The following PTPRE variants were observed in gnomAD, a reference collection of about 807,000 sequenced individuals.
PTPRE encodes protein tyrosine phosphatase receptor type E.
Under a neutral mutation model 102.0 loss-of-function variants are expected in PTPRE, and 51 were observed. The observed-to-expected ratio is 0.50, with a 90% CI of 0.40 to 0.63. The LOEUF is 0.63. Ranked by LOEUF, PTPRE falls within the 30% of genes least tolerant of loss-of-function variation. The probability of loss-of-function intolerance (pLI) is 0.00; values close to 1 mark genes in which losing one functional copy is unlikely to be tolerated. For missense variants in PTPRE, 752 were observed against 915.1 expected (o/e 0.82, Z 2.30); for synonymous variants, 345 against 348.2 (o/e 0.99, Z 0.10).
intron 1 of PTPRE, among the ~76,000 whole-genome samples, chr10:127,956,149 T>C (rs1304211468): frequency 2.6e-5 from 4 of 152,164 alleles, no homozygotes; most frequent in Non-Finnish European, 5.9e-5. Context: ...ATTTCAGGAG[T>C]TGCATATATA....
chr10:128,047,816 A>AACGGAATCTTGGAGGAGCAAGGT lies in PTPRE; in HGVS notation c.265_283+4dup, dbSNP rs751203821. On this transcript the variant is annotated frameshift_variant, in exon 5 of 21. Transcript: ENST00000254667. LOFTEE classifies it high-confidence loss of function. Reference sequence around the variant, plus strand: ...CAGCACCAGCGACAAGAAGATGCCCAACGGAATCTTGGAGGAGCAAGGTAC... The same window carrying AACGGAATCTTGGAGGAGCAAGGT: ...CAGCACCAGCGACAAGAAGATGCCCAACGGAATCTTGGAGGAGCAAGGTACGGAATCTTGGAGGAGCAAGGTAC... 5.0e-6 allele frequency: 8 copies of AACGGAATCTTGGAGGAGCAAGGT among 1,603,450 alleles called. No homozygotes were observed. The South Asian group carries it at 8.8e-5, about 18-fold the overall frequency.
chr10:128,080,029 C>T (rs1301064636), intron 20 of PTPRE, among the ~76,000 whole-genome samples: 2 of 152,204 alleles, frequency 1.3e-5, no homozygotes, highest in African/African-American at 2.4e-5. Flanking sequence ...GAAAAACATA[C>T]TCTTATCAAG....
chr10:128,037,839 T>C (rs566151403), intron 2 of PTPRE, among the ~76,000 whole-genome samples: 8 of 152,292 alleles, frequency 5.3e-5, no homozygotes, highest in Admixed American at 2.6e-4. Context: ...TTGCCCAGGC[T>C]GGAGTGCAGT....
intron 12 of PTPRE, 87 bp downstream of exon 12, chr10:128,068,373 T>A: frequency 6.8e-7 from 1 of 1,461,708 alleles, no homozygotes; most frequent in East Asian, 2.3e-5. Flanking sequence ...AGGGGACCAA[T>A]ATCAGGGTGG....
At chr10:128,076,265 G>A (rs1213693984) in intron 17 of PTPRE, among the ~76,000 whole-genome samples, 3 of 152,342 alleles carry the variant, frequency 2.0e-5, no homozygotes, top group Non-Finnish European at 2.9e-5. Flanking sequence ...TCTAGGAAGA[G>A]CTGGGGGCAC....
chr10:127,940,158 C>T (rs1053602682), intron 1 of PTPRE, among the ~76,000 whole-genome samples: 5 of 152,086 alleles, frequency 3.3e-5, no homozygotes, highest in Non-Finnish European at 7.4e-5. Context: ...AGGATGCCAG[C>T]TGCCTGAGGT....
chr10:127,943,937 G>A (rs1848429350), intron 1 of PTPRE, among the ~76,000 whole-genome samples: 1 of 152,164 alleles, frequency 6.6e-6, no homozygotes, highest in Admixed American at 6.5e-5. Context: ...GACTCTGGGT[G>A]GAAGGAGGAG....
chr10:128,013,954 C>CA (rs1329546527), intron 2 of PTPRE, among the ~76,000 whole-genome samples: 1 of 152,180 alleles, frequency 6.6e-6, no homozygotes, highest in African/African-American at 2.4e-5. Context: ...GGAATGCATG[C>CA]ATGTGTGCGT....
At chr10:127,943,319 G>T (rs1848384520) in intron 1 of PTPRE, among the ~76,000 whole-genome samples, 1 of 152,144 alleles carries the variant, frequency 6.6e-6, no homozygotes, top group African/African-American at 2.4e-5. Flanking sequence ...AACTTGCCTG[G>T]CTGCCAGTCT....
chr10:128,046,150 G>T (rs1181648346), intron 3 of PTPRE, among the ~76,000 whole-genome samples: 3 of 152,236 alleles, frequency 2.0e-5, no homozygotes, highest in African/African-American at 2.4e-5. Context: ...TGCCAGGCCT[G>T]GGAGGGTAGG....
chr10:128,028,657 C>G lies in PTPRE; in HGVS notation c.-7-12218C>G, dbSNP rs1846461328. ...CACCCCCTCAGGCACAGCTGAGCAG[C>G]CCGCCGGGGCCCAGGGTTCCTTGGT... On this transcript the variant is annotated intron_variant, in intron 2 of 20. Coordinates refer to ENST00000254667, the MANE Select transcript of PTPRE (RefSeq NM_006504.6). This position sits in a 1 kb window ranked among gnomAD's most constrained non-coding sequence, Gnocchi z 4.5. 6.6e-6 allele frequency among the ~76,000 whole-genome samples: 1 copy of G among 152,082 alleles called. No individual in the cohort carries two copies. Among genetic ancestry groups the G allele is most frequent in the African/African-American group, 2.4e-5 (1 of 41,426 alleles).
intron 1 of PTPRE, among the ~76,000 whole-genome samples, chr10:127,935,110 G>C (rs558710263): frequency 6.6e-6 from 1 of 152,234 alleles, no homozygotes; most frequent in East Asian, 1.9e-4. Context: ...GCACCAGGAC[G>C]CGTGACTGAC....
At position 128,061,165 on chromosome 10, in the gene PTPRE, C is replaced by T. The variant is rs528818756; in HGVS notation, c.588+150C>T. The stretch of plus-strand genomic sequence containing the variant: ...AGGGTACGGAACTGCCCGTGCTTTA[C>T]ACACTGGCATCAGCATCTGGGAATT... On this transcript the variant is annotated intron_variant, in intron 8 of 20. Transcript: ENST00000254667. The T allele has an allele frequency of 3.1e-5, 20 of 651,198 alleles. No individual in the cohort carries two copies. In the African/African-American group the frequency reaches 3.5e-4, roughly 11 times the overall value. 40.3% of individuals were successfully genotyped at this position (651,198 alleles called of 1,614,324 possible).
intron 20 of PTPRE, among the ~76,000 whole-genome samples, chr10:128,080,381 C>G (rs903449119): frequency 2.6e-5 from 4 of 152,198 alleles, no homozygotes; most frequent in Non-Finnish European, 4.4e-5. Context: ...GCTGACAATC[C>G]TGGCTCACGC....
intron 1 of PTPRE, among the ~76,000 whole-genome samples, chr10:127,932,992 C>T (rs1266880031): frequency 6.6e-6 from 1 of 152,194 alleles, no homozygotes; most frequent in Non-Finnish European, 1.5e-5. Flanking sequence ...TCTTTAAAGC[C>T]CGCCATGTGC....
chr10:127,992,609 C>G (rs866089886), intron 2 of PTPRE, among the ~76,000 whole-genome samples: 1 of 152,120 alleles, frequency 6.6e-6, no homozygotes, highest in Non-Finnish European at 1.5e-5. Flanking sequence ...AGGAAACACC[C>G]GAGTTACCCT....
At chr10:128,066,688 A>C (rs1013533316) in intron 11 of PTPRE, among the ~76,000 whole-genome samples, 11 of 152,260 alleles carry the variant, frequency 7.2e-5, no homozygotes, top group African/African-American at 2.7e-4. Flanking sequence ...TATAGAAGAA[A>C]GTTTAAAACC....
Position 128,070,079 on chromosome 10 carries a change from G to A in PTPRE, c.1144-222G>A, listed in dbSNP as rs978683425. ...CCCAAACGGTGCATGTACACAGTGC[G>A]TGGCGTGCTCACCAATGTGAGGCTC... On this transcript the variant is annotated intron_variant, in intron 13 of 20. Transcript: ENST00000254667. The surrounding 1 kb of genome is among the most constrained non-coding windows in gnomAD (Gnocchi z 4.8). The A allele has an allele frequency of 1.3e-5, 9 of 685,334 alleles. No homozygotes were observed. The highest frequency in any genetic ancestry group is 1.2e-4 in the South Asian group (6 of 52,072). 42.5% of individuals were successfully genotyped at this position (685,334 alleles called of 1,614,324 possible).
chr10:128,084,135 GAC>G lies in PTPRE; in HGVS notation c.*1230_*1231del, dbSNP rs1851929772. ...ATCCCATTACCAGATAAGATTGACT[GAC>G]GGGGAAAAAAAAAAAAAAAGAATGG... On this transcript the variant is annotated 3_prime_UTR_variant, in exon 21 of 21. Coordinates refer to ENST00000254667, the MANE Select transcript of PTPRE (RefSeq NM_006504.6). The G allele has an allele frequency of 9.9e-6, 1 of 100,930 alleles. No individual in the cohort carries two copies. The highest frequency in any genetic ancestry group is 3.0e-4 in the East Asian group (1 of 3,382). The allele number at this position is 100,930 out of a possible 1,614,324, so 6.3% of individuals were successfully genotyped here.
Sources: allele counts gnomAD v4.1 joint callset (sites outside exome capture counted in the v4.1 genomes callset), GRCh38; gene constraint gnomAD v4.1.1; non-coding constraint Gnocchi (gnomAD v3.1); transcripts MANE v1.5; gene names NCBI Gene and HGNC (gene_info 2026-07-23, HGNC 2026-07-21).